The following SYTL3 variants were observed in gnomAD, a reference collection of about 807,000 sequenced individuals.
SYTL3 encodes synaptotagmin-like protein 3.
Under a neutral mutation model 82.1 loss-of-function variants are expected in SYTL3, and 88 were observed. The ratio of observed to expected loss-of-function variants is 1.07; its 90% CI spans 0.90 to 1.28. SYTL3 has a LOEUF of 1.28. Ranked by LOEUF, SYTL3 falls within the 50% of genes most tolerant of loss-of-function variation. SYTL3 has a pLI of 0.00. For synonymous variants in SYTL3, 311 were observed against 289.4 expected, an observed-to-expected ratio of 1.07 and a Z score of -0.76; for missense variants, 831 against 757.6, an observed-to-expected ratio of 1.10 and a Z score of -1.14.
intron 6 of SYTL3, among the ~76,000 whole-genome samples, chr6:158,701,848 C>A (rs966607073): frequency 6.6e-6 from 1 of 151,904 alleles, no homozygotes; most frequent in Non-Finnish European, 1.5e-5. Context: ...TAGGGTAGAA[C>A]GCTGCCTCCC....
intron 4 of SYTL3, among the ~76,000 whole-genome samples, chr6:158,665,128 G>C (rs1789872080): frequency 6.6e-6 from 1 of 152,176 alleles, no homozygotes; most frequent in South Asian, 2.1e-4. Flanking sequence ...TCTGCCCCAG[G>C]CATGTTATTT....
chr6:158,671,542 A>G (rs1777381146), intron 5 of SYTL3, among the ~76,000 whole-genome samples: 1 of 152,058 alleles, frequency 6.6e-6, no homozygotes, highest in African/African-American at 2.4e-5. Flanking sequence ...AGGCGGGTAG[A>G]TCACTTGAGG....
chr6:158,734,881 C>T (rs1785930402), intron 11 of SYTL3, among the ~76,000 whole-genome samples: 1 of 152,194 alleles, frequency 6.6e-6, no homozygotes. Context: ...CAGTCATTCT[C>T]ACAAAGATCT....
At chr6:158,657,196 C>T (rs1369407609) in intron 2 of SYTL3, among the ~76,000 whole-genome samples, 3 of 152,120 alleles carry the variant, frequency 2.0e-5, no homozygotes, top group East Asian at 1.9e-4. Flanking sequence ...GAGGCCGAGG[C>T]GGACAGATCA....
chr6:158,743,002 T>C (rs1787132480), intron 11 of SYTL3, among the ~76,000 whole-genome samples: 1 of 152,208 alleles, frequency 6.6e-6, no homozygotes, highest in Non-Finnish European at 1.5e-5. Flanking sequence ...TCTGGGACCT[T>C]AGCTCCTCAG....
chr6:158,743,768 A>C (rs933613524), intron 11 of SYTL3, among the ~76,000 whole-genome samples: 2 of 151,272 alleles, frequency 1.3e-5, no homozygotes, highest in African/African-American at 4.9e-5. Flanking sequence ...AGTGTGTAAA[A>C]ATTTTACATT....
At chr6:158,759,920 CTGT>C (rs1197143649) in intron 14 of SYTL3, among the ~76,000 whole-genome samples, 3 of 151,926 alleles carry the variant, frequency 2.0e-5, no homozygotes, top group African/African-American at 7.3e-5. Flanking sequence ...AGCTCATCAG[CTGT>C]TGTTAGTGTA....
intron 9 of SYTL3, among the ~76,000 whole-genome samples, 152 bp from the exon 10 acceptor site, chr6:158,717,935 G>A (rs954094552): frequency 1.3e-5 from 2 of 152,156 alleles, no homozygotes; most frequent in Non-Finnish European, 2.9e-5. Context: ...CACTTGGTGG[G>A]GGAATGTGCC....
At chr6:158,721,164 C>A (rs1010900087) in intron 10 of SYTL3, among the ~76,000 whole-genome samples, 1 of 152,192 alleles carries the variant, frequency 6.6e-6, no homozygotes, top group African/African-American at 2.4e-5. Flanking sequence ...ACGCTTCCAA[C>A]TTTCTGCAGG....
chr6:158,728,950 G>T (rs925054236), intron 11 of SYTL3, among the ~76,000 whole-genome samples: 1 of 152,246 alleles, frequency 6.6e-6, no homozygotes, highest in African/African-American at 2.4e-5. Context: ...TGAGGCAGGA[G>T]GCTGAGGCAG....
chr6:158,661,292 A>C lies in SYTL3; in HGVS notation c.-613A>C, dbSNP rs1789351220. 1 of 152,174 alleles carries C rather than the reference A, an allele frequency of 6.6e-6. No homozygotes were observed. Among genetic ancestry groups the C allele is most frequent in the African/African-American group, 2.4e-5 (1 of 41,428 alleles). 9.4% of individuals were successfully genotyped at this position (152,174 alleles called of 1,614,324 possible). A position where few individuals can be genotyped will look rare whatever the true frequency, so the allele number is the denominator to read the frequency against. On this transcript the variant is annotated 5_prime_UTR_variant, in exon 3 of 18. Coordinates refer to ENST00000611299, the MANE Select transcript of SYTL3 (RefSeq NM_001242394.2). ...AGAGACTCAGAGCCTTGGGGCACTG[A>C]GGGATGCCAGTTCTGCCTGTTCATC...
At chr6:158,749,983 A>G (rs2128523568) in intron 12 of SYTL3, among the ~76,000 whole-genome samples, 1 of 152,356 alleles carries the variant, frequency 6.6e-6, no homozygotes, top group East Asian at 1.9e-4. Flanking sequence ...CCATGAGCAG[A>G]GGGAAAAACT....
At chr6:158,662,638 G>A (rs554767676) in intron 3 of SYTL3, 112 bp from the exon 4 acceptor site, 12 of 152,274 alleles carry the variant, frequency 7.9e-5, no homozygotes, top group Non-Finnish European at 5.9e-5. Context: ...CATTATCACC[G>A]CGAGCAGAAA....
intron 3 of SYTL3, among the ~76,000 whole-genome samples, chr6:158,662,061 A>G (rs1258330029): frequency 6.6e-6 from 1 of 152,238 alleles, no homozygotes; most frequent in Admixed American, 6.5e-5. Flanking sequence ...ATGCTACCTT[A>G]GAGCTCTGTT....
chr6:158,727,269 G>A (rs994540224), intron 11 of SYTL3, among the ~76,000 whole-genome samples: 1 of 151,732 alleles, frequency 6.6e-6, no homozygotes, highest in African/African-American at 2.4e-5. Flanking sequence ...CCGCCTCCCA[G>A]TTCAAATGAT....
At chr6:158,715,630 AC>A (rs1336290136) in intron 9 of SYTL3, among the ~76,000 whole-genome samples, 1 of 37,306 alleles carries the variant, frequency 2.7e-5, no homozygotes, top group Non-Finnish European at 6.6e-5. Context: ...CGCACCCAGC[AC>A]CCCCCATACC....
Position 158,752,041 on chromosome 6 carries a change from G to A in SYTL3, c.1137+11G>A, listed in dbSNP as rs200018036. The A allele has an allele frequency of 6.3e-7, 1 of 1,582,496 alleles. No homozygotes were observed. The highest frequency in any genetic ancestry group is 1.9e-5 in the Admixed American group (1 of 53,194). On this transcript the variant is annotated intron_variant, in intron 13 of 17. Transcript: ENST00000611299. ...CAGGAGACCTTGAAGGTACTTGCTGGACAGATATTCCTGTGCAGAGTCCTC... is the reference window on the plus strand; with the variant it reads ...CAGGAGACCTTGAAGGTACTTGCTGAACAGATATTCCTGTGCAGAGTCCTC...
intron 5 of SYTL3, among the ~76,000 whole-genome samples, chr6:158,680,777 G>C (rs1778600452): frequency 1.3e-5 from 2 of 152,002 alleles, no homozygotes; most frequent in African/African-American, 4.8e-5. Context: ...ATTCTTAAAT[G>C]CTCTTTCTAT....
intron 12 of SYTL3, among the ~76,000 whole-genome samples, chr6:158,748,928 G>A (rs1788002242): frequency 6.6e-6 from 1 of 151,772 alleles, no homozygotes; most frequent in Non-Finnish European, 1.5e-5. Context: ...AGACATTCAA[G>A]TATAATAAGG....
Sources: allele counts gnomAD v4.1 joint callset (sites outside exome capture counted in the v4.1 genomes callset), GRCh38; gene constraint gnomAD v4.1.1; transcripts MANE v1.5; gene names NCBI Gene and HGNC (gene_info 2026-07-23, HGNC 2026-07-21).